MED26: variants seen among roughly 807,000 people sequenced by gnomAD.
MED26 encodes mediator of RNA polymerase II transcription subunit 26.
MED26 carries 7 observed loss-of-function variants against 43.7 expected under a neutral mutation model. The ratio of observed to expected loss-of-function variants is 0.16; its 90% CI spans 0.09 to 0.30. The LOEUF (loss-of-function observed/expected upper bound fraction) is 0.30. MED26 is among the 10% of genes least tolerant of loss of function. The pLI is 1.00. For missense variants in MED26, 784 were observed against 840.6 expected, an observed-to-expected ratio of 0.93 and a Z score of 0.83; for synonymous variants, 375 against 371.1, an observed-to-expected ratio of 1.01 and a Z score of -0.12.
In MED26 at chr19:16,576,516, G is replaced by T; in HGVS notation, c.1314C>A (p.Thr438=). The part of the protein sequence containing the change: ...DPMTRQIKPL[T]QKEPVRADSP... ...TGTCTGCCCGCACTGGCTCTTTCTG[G>T]GTCAGAGGTTTGATCTGTCTCGTCA... The change falls in exon 3 of 3, where the codon ACC becomes ACA. Residue 438 remains threonine, a synonymous_variant. Transcript: ENST00000263390. This position sits in a 1 kb window ranked among gnomAD's most constrained non-coding sequence, Gnocchi z 6.8. 1 of 1,614,176 alleles carries T rather than the reference G, an allele frequency of 6.2e-7. No individual in the cohort carries two copies. Among genetic ancestry groups the T allele is most frequent in the Non-Finnish European group, 8.5e-7 (1 of 1,180,046 alleles).
chr19:16,575,813 T>A lies in MED26; in HGVS notation c.*214A>T. On this transcript the variant is annotated 3_prime_UTR_variant, in exon 3 of 3. Transcript: ENST00000263390. ...CCTTCCACGCGGTCCTTCTTCGCAATTTTGTTAGTAAACTGGTAGCAGCAT... is the reference window on the plus strand; with the variant it reads ...CCTTCCACGCGGTCCTTCTTCGCAAATTTGTTAGTAAACTGGTAGCAGCAT... The A allele has an allele frequency of 1.7e-6, 1 of 576,746 alleles. No individual in the cohort carries two copies. Among genetic ancestry groups the A allele is most frequent in the Non-Finnish European group, 3.1e-6 (1 of 324,084 alleles). 35.7% of individuals were successfully genotyped at this position (576,746 alleles called of 1,614,324 possible). A position where few individuals can be genotyped will look rare whatever the true frequency, so the allele number is the denominator to read the frequency against.
chr19:16,615,694 T>G (rs1013261748), intron 1 of MED26, among the ~76,000 whole-genome samples: 1 of 150,450 alleles, frequency 6.6e-6, no homozygotes, highest in Non-Finnish European at 1.5e-5. Context: ...TGCAATGAAC[T>G]GAGATTGCAC....
chr19:16,575,183 A>G lies in MED26; in HGVS notation c.*844T>C, dbSNP rs546131177. On this transcript the variant is annotated 3_prime_UTR_variant, in exon 3 of 3. Coordinates refer to ENST00000263390, the MANE Select transcript of MED26 (RefSeq NM_004831.5). The stretch of plus-strand genomic sequence containing the variant: ...GTACAGCATAAAACCAGTAGCACCC[A>G]CAATAACTTTTGTGTTGTTTTGGGG... 3.9e-5 allele frequency: 6 copies of G among 152,708 alleles called. No individual in the cohort carries two copies. The South Asian group carries it at 1.2e-3, about 32-fold the overall frequency. 9.5% of individuals were successfully genotyped at this position (152,708 alleles called of 1,614,324 possible). A position where few individuals can be genotyped will look rare whatever the true frequency, so the allele number is the denominator to read the frequency against.
intron 1 of MED26, among the ~76,000 whole-genome samples, chr19:16,592,797 C>T (rs2086104041): frequency 6.6e-6 from 1 of 152,248 alleles, no homozygotes; most frequent in South Asian, 2.1e-4. Context: ...GTTATTGCAA[C>T]TGGGGACATT....
At position 16,585,196 on chromosome 19, in the gene MED26, G is replaced by A. The variant is rs561039542; in HGVS notation, c.73-6787C>T. On this transcript the variant is annotated intron_variant, in intron 1 of 2. Coordinates refer to ENST00000263390, the MANE Select transcript of MED26 (RefSeq NM_004831.5). ...CAGCAGGCACCCCTGGGGCTGGAGAGGGGAGCTCTGAGTACCCATGCCAGC... is the reference window on the plus strand; with the variant it reads ...CAGCAGGCACCCCTGGGGCTGGAGAAGGGAGCTCTGAGTACCCATGCCAGC... Among the ~76,000 whole-genome samples the A allele has an allele frequency of 3.3e-5, 5 of 152,310 alleles. No homozygotes were observed. The South Asian group carries it at 1.0e-3, about 32-fold the overall frequency.
rs773894422 is a variant in MED26 at position 16,576,903 on chromosome 19, G to C, written c.927C>G (p.Ala309=). The C allele has an allele frequency of 6.2e-7, 1 of 1,603,102 alleles. No individual in the cohort carries two copies. Among genetic ancestry groups the C allele is most frequent in the Non-Finnish European group, 8.5e-7 (1 of 1,173,872 alleles). Residue 309 remains alanine (A), a synonymous_variant, in exon 3 of 3, where the codon GCC becomes GCG. Transcript: ENST00000263390. This position sits in a 1 kb window ranked among gnomAD's most constrained non-coding sequence, Gnocchi z 6.8. ...SPSPRPQALD[A]TQVPSPLPLA... ...GTGGAAGCGGTGACGGCACCTGTGT[G>C]GCATCGAGTGCCTGGGGCCGCGGTG...
At chr19:16,579,504 CCTCCCTTTTAGGAT>C (rs1275188448) in intron 1 of MED26, among the ~76,000 whole-genome samples, 3 of 152,148 alleles carry the variant, frequency 2.0e-5, no homozygotes, top group African/African-American at 7.2e-5. Context: ...CCAAGTAATC[CCTCCCTTTTAGGAT>C]CTTGCTAGGA....
chr19:16,577,898 T>A lies in MED26; in HGVS notation c.148-216A>T. ...GTTCCCAGACCTTCAGGGTCCCAGG[T>A]GGCTTCTCAGCAGTGCTGTCACCCA... On this transcript the variant is annotated intron_variant, in intron 2 of 2. Transcript: ENST00000263390. The surrounding 1 kb of genome is among the most constrained non-coding windows in gnomAD (Gnocchi z 8.1). 2.0e-6 allele frequency: 1 copy of A among 508,182 alleles called. No homozygotes were observed. The allele number at this position is 508,182 out of a possible 1,614,324, so 31.5% of individuals were successfully genotyped here.
intron 1 of MED26, among the ~76,000 whole-genome samples, chr19:16,607,371 TG>T (rs1045035783): frequency 7.7e-6 from 1 of 130,574 alleles, no homozygotes; most frequent in East Asian, 2.1e-4. Flanking sequence ...TCTCCTTTTG[TG>T]GGGAAAAAAA....
At chr19:16,618,704 C>G (rs3786598) in intron 1 of MED26, among the ~76,000 whole-genome samples, 9,732 of 152,244 alleles carry the variant, frequency 0.064, 393 homozygotes, top group South Asian at 0.093. Context: ...TATTCTTCTC[C>G]CGTTAACAGG....
At chr19:16,602,510 G>A (rs143769269) in intron 1 of MED26, among the ~76,000 whole-genome samples, 6 of 152,284 alleles carry the variant, frequency 3.9e-5, no homozygotes, top group African/African-American at 7.2e-5. Context: ...CAAAAGAACC[G>A]AAAGCAGGGA....
At chr19:16,594,604 A>C (rs1484350132) in intron 1 of MED26, among the ~76,000 whole-genome samples, 1 of 152,208 alleles carries the variant, frequency 6.6e-6, no homozygotes. Flanking sequence ...GTGGCAGACC[A>C]CTGGACATGG....
At chr19:16,595,423 T>A (rs1475904604) in intron 1 of MED26, among the ~76,000 whole-genome samples, 1 of 152,218 alleles carries the variant, frequency 6.6e-6, no homozygotes, top group Non-Finnish European at 1.5e-5. Flanking sequence ...GAGCCACTGC[T>A]GTTGTCAGAT....
rs139528780 is a variant in MED26 at position 16,577,578 on chromosome 19, G to T, written c.252C>A (p.Ile84=). Residue 84 remains isoleucine (I), a synonymous_variant, in exon 3 of 3, where the codon ATC becomes ATA. Transcript: ENST00000263390. This position sits in a 1 kb window ranked among gnomAD's most constrained non-coding sequence, Gnocchi z 8.1. The part of the protein sequence containing the change: ...KKLLRSWQKL[I]EPAHQHEAAL... ...CCGCCTCATGCTGGTGTGCCGGCTC[G>T]ATGAGCTTCTGCCAGCTCCGCAGCA... 1 of 1,609,714 alleles carries T rather than the reference G, an allele frequency of 6.2e-7. No homozygotes were observed. The highest frequency in any genetic ancestry group is 8.5e-7 in the Non-Finnish European group (1 of 1,177,042).
intron 1 of MED26, among the ~76,000 whole-genome samples, chr19:16,592,453 C>A (rs139501044): frequency 6.6e-6 from 1 of 152,228 alleles, no homozygotes; most frequent in African/African-American, 2.4e-5. Context: ...TGGTGGGGGA[C>A]GTACCGCCAC....
rs1444306014 is a variant in MED26, at chr19:16,577,819, A to G, written c.148-137T>C. On this transcript the variant is annotated intron_variant, in intron 2 of 2. Coordinates refer to ENST00000263390, the MANE Select transcript of MED26 (RefSeq NM_004831.5). This position sits in a 1 kb window ranked among gnomAD's most constrained non-coding sequence, Gnocchi z 8.1. ...GCCCTAAACTGCCAGCTTCCCTGAC[A>G]CAAAACTTCTGGGGATTTCCGGTCC... The G allele has an allele frequency of 3.3e-6, 2 of 612,492 alleles. No individual in the cohort carries two copies. Among genetic ancestry groups the G allele is most frequent in the Admixed American group, 3.2e-5 (1 of 31,200 alleles). 37.9% of individuals were successfully genotyped at this position (612,492 alleles called of 1,614,324 possible). A position where few individuals can be genotyped will look rare whatever the true frequency, so the allele number is the denominator to read the frequency against.
intron 1 of MED26, among the ~76,000 whole-genome samples, chr19:16,593,530 A>T (rs961004951): frequency 6.6e-6 from 1 of 152,230 alleles, no homozygotes; most frequent in Non-Finnish European, 1.5e-5. Context: ...GGCAACTAGC[A>T]GGGACTTGAT....
chr19:16,590,748 G>C (rs1231558269), intron 1 of MED26, among the ~76,000 whole-genome samples: 1 of 152,136 alleles, frequency 6.6e-6, no homozygotes, highest in East Asian at 1.9e-4. Context: ...TCTCAATAAA[G>C]CTATTAATGT....
chr19:16,614,823 T>C (rs1052524135), intron 1 of MED26, among the ~76,000 whole-genome samples: 1 of 152,166 alleles, frequency 6.6e-6, no homozygotes, highest in African/African-American at 2.4e-5. Context: ...GGAAGGGGGC[T>C]TCCTCCAGGG....
Sources: allele counts gnomAD v4.1 joint callset (sites outside exome capture counted in the v4.1 genomes callset), GRCh38; gene constraint gnomAD v4.1.1; non-coding constraint Gnocchi (gnomAD v3.1); transcripts MANE v1.5; gene names NCBI Gene and HGNC (gene_info 2026-07-23, HGNC 2026-07-21).